OSBPL8: variants seen among roughly 807,000 people sequenced by gnomAD.
OSBPL8 encodes the protein oxysterol-binding protein-related protein 8.
Under a neutral mutation model 125.5 loss-of-function variants are expected in OSBPL8, and 59 were observed. The ratio of observed to expected loss-of-function variants is 0.47; its 90% CI spans 0.38 to 0.58. The LOEUF (loss-of-function observed/expected upper bound fraction) is 0.58, where lower values mean the gene tolerates loss of function less well. OSBPL8 is among the 20% of genes least tolerant of loss of function. OSBPL8 has a pLI of 0.00. For missense variants in OSBPL8, 758 were observed against 1,047.8 expected, an observed-to-expected ratio of 0.72 and a Z score of 3.82; for synonymous variants, 330 against 338.9, an observed-to-expected ratio of 0.97 and a Z score of 0.29.
chr12:76,436,637 G>C (rs187633157), intron 4 of OSBPL8, among the ~76,000 whole-genome samples: 1 of 151,922 alleles, frequency 6.6e-6, no homozygotes, highest in Non-Finnish European at 1.5e-5. Context: ...TGAATTGAAG[G>C]AACTTAACTT....
At chr12:76,370,885 A>T (rs904160118) in intron 19 of OSBPL8, among the ~76,000 whole-genome samples, 1 of 152,210 alleles carries the variant, frequency 6.6e-6, no homozygotes, top group African/African-American at 2.4e-5. Context: ...TAACACAAAG[A>T]TATAACAACA....
At position 76,410,645 on chromosome 12, in the gene OSBPL8, TAGTC is replaced by T. The variant is rs763264688; in HGVS notation, c.218-15_218-12del. ...TCCCTCTTTCAAAACCTTAAAAAAA[TAGTC>T]AGCATATCAGTATTACTACTTTTGA... On this transcript the variant is annotated splice_polypyrimidine_tract_variant and intron_variant, in intron 4 of 23. Transcript: ENST00000261183. The T allele has an allele frequency of 1.5e-5, 23 of 1,549,592 alleles. No homozygotes were observed. Among genetic ancestry groups the T allele is most frequent in the East Asian group, 6.7e-5 (3 of 44,456 alleles).
At chr12:76,539,970 T>C (rs1950598904) in intron 1 of OSBPL8, among the ~76,000 whole-genome samples, 2 of 152,166 alleles carry the variant, frequency 1.3e-5, no homozygotes, top group African/African-American at 2.4e-5. Flanking sequence ...TTTTAGGTCA[T>C]TGTTATCTTA....
intron 6 of OSBPL8, 47 bp downstream of exon 6, chr12:76,402,642 T>G: frequency 7.3e-7 from 1 of 1,368,108 alleles, no homozygotes; most frequent in Admixed American, 1.8e-5. Context: ...CAAACACACA[T>G]GCAAAGCACA....
chr12:76,367,259 T>A (rs1952456488), intron 21 of OSBPL8, among the ~76,000 whole-genome samples: 1 of 151,956 alleles, frequency 6.6e-6, no homozygotes, highest in Admixed American at 6.6e-5. Flanking sequence ...TGTGTGTGTA[T>A]GAATTGACCC....
chr12:76,491,903 A>G (rs1878758626), intron 1 of OSBPL8, among the ~76,000 whole-genome samples: 1 of 152,176 alleles, frequency 6.6e-6, no homozygotes, highest in Admixed American at 6.5e-5. Flanking sequence ...TTTACTTTGA[A>G]AAATATTTTA....
intron 8 of OSBPL8, among the ~76,000 whole-genome samples, chr12:76,396,833 A>G (rs1000553764): frequency 2.0e-5 from 3 of 151,984 alleles, no homozygotes; most frequent in African/African-American, 7.2e-5. Context: ...TTTTTTTGAG[A>G]CAGGGTCTTG....
rs769826285 is a variant in OSBPL8 at position 76,384,355 on chromosome 12, T to C, written c.1534-5A>G. 1.4e-6 allele frequency: 2 copies of C among 1,449,400 alleles called. No homozygotes were observed. The highest frequency in any genetic ancestry group is 1.9e-6 in the Non-Finnish European group (2 of 1,062,354). 89.8% of individuals were successfully genotyped at this position (1,449,400 alleles called of 1,614,324 possible). On this transcript the variant is annotated splice_region_variant and splice_polypyrimidine_tract_variant and intron_variant, in intron 14 of 23. Transcript: ENST00000261183. Reference sequence around the variant, plus strand: ...TATTGGTGGATGATGGGACACCTATTAAACATAAGAAAAACATGCATATAT... The same window carrying C: ...TATTGGTGGATGATGGGACACCTATCAAACATAAGAAAAACATGCATATAT...
intron 5 of OSBPL8, among the ~76,000 whole-genome samples, chr12:76,405,321 T>C (rs1279418225): frequency 1.3e-5 from 2 of 152,032 alleles, no homozygotes; most frequent in Non-Finnish European, 2.9e-5. Flanking sequence ...TAGCTGGGCA[T>C]AGTGGTGTGT....
intron 1 of OSBPL8, among the ~76,000 whole-genome samples, chr12:76,508,694 G>GT (rs1218683478): frequency 1.3e-5 from 2 of 152,152 alleles, no homozygotes; most frequent in Non-Finnish European, 2.9e-5. Context: ...CATCCTCACT[G>GT]TTTATTATAT....
intron 1 of OSBPL8, among the ~76,000 whole-genome samples, chr12:76,523,464 ATT>A (rs1250532339): frequency 6.6e-6 from 1 of 152,202 alleles, no homozygotes; most frequent in Non-Finnish European, 1.5e-5. Flanking sequence ...GAACTTGAAT[ATT>A]TATGTCCTCT....
chr12:76,415,957 T>C (rs534595360), intron 4 of OSBPL8, among the ~76,000 whole-genome samples: 31 of 152,224 alleles, frequency 2.0e-4, no homozygotes, highest in African/African-American at 7.5e-4. Context: ...TTTTTTCTTT[T>C]TGGAGATTTT....
intron 1 of OSBPL8, among the ~76,000 whole-genome samples, chr12:76,546,714 C>T (rs913700476): frequency 2.6e-5 from 4 of 151,822 alleles, no homozygotes; most frequent in Admixed American, 2.0e-4. Context: ...GTTTAGAATA[C>T]CTGTAAAAAA....
At chr12:76,376,257 A>G (rs1345031692) in intron 16 of OSBPL8, among the ~76,000 whole-genome samples, 2 of 152,260 alleles carry the variant, frequency 1.3e-5, no homozygotes, top group African/African-American at 2.4e-5. Context: ...CTCTGGGTTT[A>G]ACAAAGCTAA....
chr12:76,361,728 A>C (rs980121837), intron 21 of OSBPL8, among the ~76,000 whole-genome samples: 3 of 152,194 alleles, frequency 2.0e-5, no homozygotes, highest in Non-Finnish European at 2.9e-5. Context: ...AAGATGCAAA[A>C]GCGGAAACCC....
chr12:76,461,250 T>A (rs1874687478), intron 2 of OSBPL8, among the ~76,000 whole-genome samples: 1 of 152,144 alleles, frequency 6.6e-6, no homozygotes, highest in Admixed American at 6.5e-5. Context: ...TGGGATTAGA[T>A]TATAAAGAGA....
At chr12:76,496,835 C>G (rs960195018) in intron 1 of OSBPL8, among the ~76,000 whole-genome samples, 9 of 152,158 alleles carry the variant, frequency 5.9e-5, no homozygotes, top group African/African-American at 2.2e-4. Flanking sequence ...AGCCACCGTG[C>G]GTGGCCTTGG....
At chr12:76,499,613 G>A (rs1879686184) in intron 1 of OSBPL8, among the ~76,000 whole-genome samples, 1 of 152,114 alleles carries the variant, frequency 6.6e-6, no homozygotes, top group South Asian at 2.1e-4. Context: ...CACTTCAGGA[G>A]GCTGAGGTGG....
At chr12:76,356,160 G>T in intron 23 of OSBPL8, 139 bp from the exon 24 acceptor site, 1 of 545,818 alleles carries the variant, frequency 1.8e-6, no homozygotes, top group Non-Finnish European at 3.2e-6. Flanking sequence ...GGTATGTAGG[G>T]GTGGGGGGGG....
Sources: gnomAD v4.1 joint callset for allele counts (sites outside exome capture counted in the v4.1 genomes callset) on GRCh38, gnomAD v4.1.1 for gene constraint, MANE v1.5 for transcripts, NCBI Gene and HGNC (gene_info 2026-07-23, HGNC 2026-07-21) for gene names.